PAPLN: variants seen among roughly 807,000 people sequenced by gnomAD.
The protein encoded by PAPLN is papilin, proteoglycan like sulfated glycoprotein.
PAPLN carries 146 observed loss-of-function variants against 159.0 expected under a neutral mutation model. The observed-to-expected ratio is 0.92, with a 90% CI of 0.80 to 1.05. The LOEUF is 1.05. Among genes scored for constraint, PAPLN ranks in the 50% least tolerant of loss-of-function variants. PAPLN has a pLI of 0.00. For synonymous variants in PAPLN, 734 were observed against 702.9 expected (o/e 1.04, Z -0.70); for missense variants, 1,720 against 1,743.9 (o/e 0.99, Z 0.24).
chr14:73,259,077 TC>T lies in PAPLN; in HGVS notation c.1708+23del. On this transcript the variant is annotated intron_variant, in intron 15 of 26. Transcript: ENST00000644200. ...TGCCTCAGGTGAGAGCCTGGTCCCG[TC>T]CCCCACTCAGAGCCCTGTAGTTTTT... 1 of 1,600,952 alleles carries T rather than the reference TC, an allele frequency of 6.2e-7. No homozygotes were observed. Among genetic ancestry groups the T allele is most frequent in the Non-Finnish European group, 8.5e-7 (1 of 1,173,772 alleles).
Position 73,250,967 on chromosome 14 carries a change from G to C in PAPLN, c.526G>C (p.Gly176Arg), listed in dbSNP as rs148438999. 1.2e-6 allele frequency: 2 copies of C among 1,613,628 alleles called. No homozygotes were observed. Among genetic ancestry groups the C allele is most frequent in the African/African-American group, 1.3e-5 (1 of 74,938 alleles). The change falls in exon 7 of 27, where the codon GGG becomes CGG. Residue 176 changes from glycine (G) to arginine (R), a missense_variant. Gly to Arg is a moderately radical substitution (Grantham distance 125). Coordinates refer to ENST00000644200, the MANE Select transcript of PAPLN (RefSeq NM_001365906.3). Reference protein sequence around the residue: ...SKQEDKCLRCGGDGTTCYPVA... With the variant: ...SKQEDKCLRCRGDGTTCYPVA... ...GCAGGAGGACAAGTGTCTGCGGTGT[G>C]GGGGTGACGGCACGACCTGCTACCC...
Position 73,262,907 on chromosome 14 carries a change from C to T in PAPLN, c.2723+80C>T, listed in dbSNP as rs895188289. ...CCAGTTGGAGCTAAACCCCTGAAGT[C>T]AGCCGGCCCTCCCTCCCCATCCCTA... On this transcript the variant is annotated intron_variant, in intron 19 of 26. Coordinates refer to ENST00000644200, the MANE Select transcript of PAPLN (RefSeq NM_001365906.3). 5 of 1,244,574 alleles carry T rather than the reference C, an allele frequency of 4.0e-6. No homozygotes were observed. The African/African-American group carries it at 6.2e-5, about 15-fold the overall frequency. The allele number at this position is 1,244,574 out of a possible 1,614,324, so 77.1% of individuals were successfully genotyped here.
Position 73,250,765 on chromosome 14 carries a change from G to A in PAPLN, c.466-142G>A, listed in dbSNP as rs1012032582. The A allele has an allele frequency of 6.7e-6, 7 of 1,047,108 alleles. No individual in the cohort carries two copies. In the Admixed American group the frequency reaches 1.8e-4, roughly 27 times the overall value. 64.9% of individuals were successfully genotyped at this position (1,047,108 alleles called of 1,614,324 possible). A position where few individuals can be genotyped will look rare whatever the true frequency, so the allele number is the denominator to read the frequency against. ...GAAGTGGATTGTCAGCCACAGGCCA[G>A]TCCCCTGGCTGGTGGCTGAATCACT... On this transcript the variant is annotated intron_variant, in intron 6 of 26. Coordinates refer to ENST00000644200, the MANE Select transcript of PAPLN (RefSeq NM_001365906.3).
Position 73,273,380 on chromosome 14 carries a change from T to TC in PAPLN, c.*718dup, listed in dbSNP as rs1346433521. The TC allele has an allele frequency of 2.0e-5, 3 of 152,078 alleles. No homozygotes were observed. The highest frequency in any genetic ancestry group is 7.3e-5 in the African/African-American group (3 of 41,362). The allele number at this position is 152,078 out of a possible 1,614,324, so 9.4% of individuals were successfully genotyped here. A position where few individuals can be genotyped will look rare whatever the true frequency, so the allele number is the denominator to read the frequency against. ...ATCTTGGCTCACTGCAACCTCCACC[T>TC]CCTGGGTTCAAGCGCTTCTCCAGCC... On this transcript the variant is annotated 3_prime_UTR_variant, in exon 27 of 27. Coordinates refer to ENST00000644200, the MANE Select transcript of PAPLN (RefSeq NM_001365906.3).
At chr14:73,270,593 A>G (rs935965621) in intron 26 of PAPLN, among the ~76,000 whole-genome samples, 1 of 152,252 alleles carries the variant, frequency 6.6e-6, no homozygotes, top group Non-Finnish European at 1.5e-5. Context: ...CCTTGTCTAC[A>G]TAATAACCAA....
At chr14:73,258,909 C>T in intron 14 of PAPLN, 70 bp from the exon 15 acceptor site, 1 of 1,415,402 alleles carries the variant, frequency 7.1e-7, no homozygotes, top group Non-Finnish European at 9.4e-7. Context: ...CTGGGCAGGG[C>T]TGGCCACAGC....
chr14:73,270,009 G>C (rs938298125), intron 26 of PAPLN, among the ~76,000 whole-genome samples: 9 of 152,230 alleles, frequency 5.9e-5, no homozygotes, highest in Admixed American at 5.2e-4. Context: ...CCTCCCCAGG[G>C]CCCAGCTCAG....
chr14:73,255,092 C>G (rs950618579), intron 14 of PAPLN, 74 bp downstream of exon 14: 1 of 1,530,604 alleles, frequency 6.5e-7, no homozygotes. Context: ...GCAAGCATGT[C>G]CTGCCTCGGG....
intron 2 of PAPLN, 64 bp from the exon 3 acceptor site, chr14:73,244,580 T>C (rs12888431): frequency 7.2e-7 from 1 of 1,380,350 alleles, no homozygotes; most frequent in Non-Finnish European, 1.0e-6. Context: ...AGAGCATCTT[T>C]GGAGGGGCCT....
intron 14 of PAPLN, among the ~76,000 whole-genome samples, chr14:73,257,728 G>A (rs900233622): frequency 8.9e-6 from 1 of 112,780 alleles, no homozygotes; most frequent in African/African-American, 3.0e-5. Context: ...CTATATTTGT[G>A]TTTTCATTAT....
At chr14:73,252,263 C>T (rs1292082237) in intron 10 of PAPLN, 122 bp downstream of exon 10, 69 of 1,373,356 alleles carry the variant, frequency 5.0e-5, no homozygotes, top group Middle Eastern at 2.6e-4. Context: ...GACAAGTAGG[C>T]GAGAAATCTC....
intron 17 of PAPLN, 105 bp from the exon 18 acceptor site, chr14:73,261,050 CT>C: frequency 6.3e-7 from 1 of 1,575,442 alleles, no homozygotes; most frequent in East Asian, 2.2e-5. Flanking sequence ...CTCCCCTGGG[CT>C]GGGGTTCTGG....
chr14:73,239,659 CG>C, intron 1 of PAPLN, 113 bp from the exon 2 acceptor site: 1 of 1,467,370 alleles, frequency 6.8e-7, no homozygotes, highest in East Asian at 2.7e-5. Context: ...TGTCCTGTTG[CG>C]GGTCTCCTGG....
At chr14:73,264,107 C>T in intron 20 of PAPLN, 104 bp from the exon 21 acceptor site, 1 of 1,592,352 alleles carries the variant, frequency 6.3e-7, no homozygotes, top group Non-Finnish European at 8.5e-7. Context: ...GGAGGGTGCT[C>T]TGTAGACTCT....
intron 20 of PAPLN, 147 bp downstream of exon 20, chr14:73,263,929 C>A (rs923308219): frequency 2.6e-6 from 3 of 1,169,624 alleles, no homozygotes; most frequent in Non-Finnish European, 3.6e-6. Flanking sequence ...AGCCCCCCTA[C>A]CCCCTCTGAC....
Position 73,247,317 on chromosome 14 carries a change from T to C in PAPLN, c.334+1142T>C, listed in dbSNP as rs117047501. ...ACACCCAGGTAAGCACCAACATGTA[T>C]GTCATTAAGCATTTTAGATGAATCA... On this transcript the variant is annotated intron_variant, in intron 5 of 26. Transcript: ENST00000644200. 3.7e-3 allele frequency among the ~76,000 whole-genome samples: 567 copies of C among 152,332 alleles called. 12 individuals are homozygous for C. Among genetic ancestry groups the C allele is most frequent in the Admixed American group, 0.025 (378 of 15,304 alleles).
intron 26 of PAPLN, among the ~76,000 whole-genome samples, chr14:73,270,626 A>G (rs1478745924): frequency 6.6e-6 from 1 of 152,260 alleles, no homozygotes; most frequent in Non-Finnish European, 1.5e-5. Context: ...TGACAAAGCA[A>G]AATGCAGATT....
In PAPLN at chr14:73,244,736, G is replaced by A. The variant is rs1374415797; in HGVS notation, c.147G>A (p.Arg49=). 4 of 1,579,978 alleles carry A rather than the reference G, an allele frequency of 2.5e-6. No homozygotes were observed. Among genetic ancestry groups the A allele is most frequent in the Middle Eastern group, 1.7e-4 (1 of 5,974 alleles). ...SRTCGGGVSF[R]ERPCYSQRRD... ...CCTGTGGAGGGGGTGTCAGCTTCCG[G>A]GAGCGCCCCTGCTACTCCCAGAGGT... is the stretch of plus-strand genomic sequence containing the variant. The change falls in exon 3 of 27, where the codon CGG becomes CGA. Residue 49 remains arginine (R), a synonymous_variant. Coordinates refer to ENST00000644200, the MANE Select transcript of PAPLN (RefSeq NM_001365906.3).
chr14:73,252,009 C>T lies in PAPLN; in HGVS notation c.844-9C>T. ...GCAGCAGACCCCAACAAGGACTCTC[C>T]CGTGACAGCTCATCAGCCAGGAGCC... On this transcript the variant is annotated splice_polypyrimidine_tract_variant and intron_variant, in intron 9 of 26. Transcript: ENST00000644200. 6.2e-7 allele frequency: 1 copy of T among 1,602,456 alleles called. No individual in the cohort carries two copies. The highest frequency in any genetic ancestry group is 8.5e-7 in the Non-Finnish European group (1 of 1,173,636).
Sources: allele counts gnomAD v4.1 joint callset (sites outside exome capture counted in the v4.1 genomes callset), GRCh38; gene constraint gnomAD v4.1.1; transcripts MANE v1.5; gene names NCBI Gene and HGNC (gene_info 2026-07-23, HGNC 2026-07-21).